FERMT2: variants seen among roughly 807,000 people sequenced by gnomAD.
FERMT2 encodes the protein fermitin family homolog 2.
In FERMT2, 15 loss-of-function variants were observed where a neutral mutation model predicts 82.7. The observed-to-expected ratio is 0.18, with a 90% CI of 0.12 to 0.28. FERMT2 has a LOEUF of 0.28. Ranked by LOEUF, FERMT2 falls within the 10% of genes least tolerant of loss-of-function variation. The pLI is 1.00. For synonymous variants in FERMT2, 274 were observed against 271.5 expected, an observed-to-expected ratio of 1.01 and a Z score of -0.09; for missense variants, 645 against 809.4, an observed-to-expected ratio of 0.80 and a Z score of 2.46.
intron 8 of FERMT2, among the ~76,000 whole-genome samples, chr14:52,874,849 A>G (rs959940279): frequency 8.5e-5 from 13 of 152,166 alleles, no homozygotes; most frequent in African/African-American, 3.1e-4. Flanking sequence ...TAAGGCCAGG[A>G]GTTTGAGATC....
At chr14:52,926,981 A>G (rs1889308754) in intron 2 of FERMT2, among the ~76,000 whole-genome samples, 1 of 152,194 alleles carries the variant, frequency 6.6e-6, no homozygotes, top group Non-Finnish European at 1.5e-5. Flanking sequence ...AGATCCCATC[A>G]CACCGTATCA....
chr14:52,938,208 A>G (rs1197755852), intron 2 of FERMT2, among the ~76,000 whole-genome samples: 2 of 152,230 alleles, frequency 1.3e-5, no homozygotes, highest in African/African-American at 4.8e-5. Flanking sequence ...ATCTTTTAAA[A>G]TGGTTTCAGC....
intron 2 of FERMT2, 29 bp from the exon 3 acceptor site, chr14:52,919,385 C>T: frequency 6.7e-7 from 1 of 1,493,678 alleles, no homozygotes; most frequent in Non-Finnish European, 9.1e-7. Flanking sequence ...AAACAAATCA[C>T]TTAAAAATCA....
intron 3 of FERMT2, among the ~76,000 whole-genome samples, chr14:52,900,481 A>G (rs1887558296): frequency 6.6e-6 from 1 of 151,160 alleles, no homozygotes; most frequent in African/African-American, 2.4e-5. Context: ...ACGTGCATTT[A>G]TTTTCACTCC....
rs1595012075 is a variant in FERMT2, at chr14:52,931,799, A to G, written c.158-12443T>C. On this transcript the variant is annotated intron_variant, in intron 2 of 14. Transcript: ENST00000341590. ...ATCCCAGCAACTCCGGGAGGATGAA[A>G]CAGGCGGATCACCAGGTCAGGAGAT... Among the ~76,000 whole-genome samples the G allele has an allele frequency of 3.3e-5, 5 of 152,196 alleles. No individual in the cohort carries two copies. In the East Asian group the frequency reaches 9.6e-4, roughly 29 times the overall value.
chr14:52,935,902 A>C (rs1336333827), intron 2 of FERMT2, among the ~76,000 whole-genome samples: 1 of 152,244 alleles, frequency 6.6e-6, no homozygotes, highest in Admixed American at 6.5e-5. Context: ...ACTAACTCAA[A>C]GCAGTTAAGA....
At chr14:52,898,240 C>T (rs1207593361) in intron 3 of FERMT2, among the ~76,000 whole-genome samples, 3 of 152,092 alleles carry the variant, frequency 2.0e-5, no homozygotes, top group African/African-American at 4.8e-5. Context: ...TAAATACCTG[C>T]TCCTTAAATT....
intron 14 of FERMT2, 34 bp from the exon 15 acceptor site, chr14:52,858,584 C>G (rs369867313): frequency 2.1e-5 from 34 of 1,603,928 alleles, no homozygotes; most frequent in Non-Finnish European, 2.9e-5. Context: ...AGTGCTGTCC[C>G]AAATGCTAGG....
At position 52,859,600 on chromosome 14, in the gene FERMT2, C is replaced by CTGTT. The variant is rs1255459912; in HGVS notation, c.1838_1841dup (p.Trp615ThrfsTer18). On this transcript the variant is annotated frameshift_variant, in exon 14 of 15. Transcript: ENST00000341590. LOFTEE classifies it high-confidence loss of function. ...TTTTGATTTCCCAGTTGACATTCCACTGTTTCATGTTGCTGAAACGCCATG... is the reference window on the plus strand; with the variant it reads ...TTTTGATTTCCCAGTTGACATTCCACTGTTTGTTTCATGTTGCTGAAACGCCATG... 1 of 1,609,612 alleles carries CTGTT rather than the reference C, an allele frequency of 6.2e-7. No individual in the cohort carries two copies. Among genetic ancestry groups the CTGTT allele is most frequent in the Non-Finnish European group, 8.5e-7 (1 of 1,177,586 alleles).
At chr14:52,950,311 C>T (rs1890567515) in intron 2 of FERMT2, 101 bp downstream of exon 2, 2 of 1,226,060 alleles carry the variant, frequency 1.6e-6, no homozygotes, top group Non-Finnish European at 2.3e-6. Flanking sequence ...TTGCGAGATG[C>T]CAAGATTTCT....
chr14:52,874,295 A>AT, intron 8 of FERMT2, 69 bp from the exon 9 acceptor site: 1 of 941,956 alleles, frequency 1.1e-6, no homozygotes, highest in Non-Finnish European at 1.6e-6. Flanking sequence ...TTGGTATCTG[A>AT]TATCAAGAAC....
chr14:52,881,820 C>A, intron 4 of FERMT2: 1 of 1,296,234 alleles, frequency 7.7e-7, no homozygotes, highest in Non-Finnish European at 1.0e-6. Flanking sequence ...ATGTAAAGAA[C>A]ATCAGTGCCT....
At chr14:52,943,162 C>T (rs1890174931) in intron 2 of FERMT2, among the ~76,000 whole-genome samples, 2 of 143,988 alleles carry the variant, frequency 1.4e-5, no homozygotes, top group South Asian at 4.3e-4. Context: ...GGACTGAAAT[C>T]GTGCCACTGC....
At chr14:52,910,590 C>T (rs1159059779) in intron 3 of FERMT2, among the ~76,000 whole-genome samples, 1 of 152,108 alleles carries the variant, frequency 6.6e-6, no homozygotes, top group African/African-American at 2.4e-5. Flanking sequence ...CACAGAAGCA[C>T]TGATCTGAAA....
In FERMT2 at chr14:52,859,600, C is replaced by T; in HGVS notation, c.1842G>A (p.Gln614=). 1 of 1,609,612 alleles carries T rather than the reference C, an allele frequency of 6.2e-7. No homozygotes were observed. ...IKTWRFSNMK[Q]WNVNWEIKMV... is the part of the protein sequence containing the mutation. ...TTTTGATTTCCCAGTTGACATTCCA[C>T]TGTTTCATGTTGCTGAAACGCCATG... The change falls in exon 14 of 15, where the codon CAG becomes CAA. Residue 614 remains glutamine (Q), a synonymous_variant. Coordinates refer to ENST00000341590, the MANE Select transcript of FERMT2 (RefSeq NM_006832.3).
chr14:52,873,121 G>A (rs774207442), intron 9 of FERMT2, among the ~76,000 whole-genome samples, 198 bp from the exon 10 acceptor site: 4 of 152,178 alleles, frequency 2.6e-5, no homozygotes, highest in Non-Finnish European at 4.4e-5. Flanking sequence ...TACTCTAGAA[G>A]ATCCCACAAA....
intron 3 of FERMT2, among the ~76,000 whole-genome samples, chr14:52,912,561 A>G (rs1888383414): frequency 2.7e-5 from 4 of 149,686 alleles, no homozygotes; most frequent in Admixed American, 1.3e-4. Context: ...CCCAGGCTGG[A>G]AAGCAGTGGT....
chr14:52,945,880 AAACTCAGTG>A (rs1261735027), intron 2 of FERMT2, among the ~76,000 whole-genome samples: 1 of 152,172 alleles, frequency 6.6e-6, no homozygotes, highest in African/African-American at 2.4e-5. Context: ...AGTGATACTA[AAACTCAGTG>A]AACAGATCCA....
At chr14:52,894,096 G>A (rs774044836) in intron 3 of FERMT2, among the ~76,000 whole-genome samples, 14 of 151,996 alleles carry the variant, frequency 9.2e-5, no homozygotes. Flanking sequence ...TCAAGTGCTG[G>A]GATTACCGGC....
Sources: allele counts gnomAD v4.1 joint callset (sites outside exome capture counted in the v4.1 genomes callset), GRCh38; gene constraint gnomAD v4.1.1; transcripts MANE v1.5; gene names NCBI Gene and HGNC (gene_info 2026-07-23, HGNC 2026-07-21).